DCDC2C: variants seen among roughly 807,000 people sequenced by gnomAD.
DCDC2C encodes the protein doublecortin domain containing 2C, also known as doublecortin domain-containing protein 2C.
DCDC2C carries 44 observed loss-of-function variants against 45.0 expected under a neutral mutation model. The ratio of observed to expected loss-of-function variants is 0.98; its 90% CI spans 0.77 to 1.26. The LOEUF (loss-of-function observed/expected upper bound fraction) is 1.26. Among genes scored for constraint, DCDC2C ranks in the 50% most tolerant of loss-of-function variants. The pLI is 0.00. For missense variants in DCDC2C, 447 were observed against 468.9 expected (o/e 0.95, Z 0.43); for synonymous variants, 187 against 178.8 (o/e 1.05, Z -0.37).
At position 3,797,049 on chromosome 2, in the gene DCDC2C, C is replaced by T. The variant is rs572301405; in HGVS notation, c.1065+11949C>T. On this transcript the variant is annotated intron_variant, in intron 10 of 10. Coordinates refer to ENST00000399143, the MANE Select transcript of DCDC2C (RefSeq NM_001287444.2). Reference sequence around the variant, plus strand: ...TTGATTATTGCCACAATTTCAGCTTCTGTTATTGGTCTATTCAGAGATTCA... The same window carrying T: ...TTGATTATTGCCACAATTTCAGCTTTTGTTATTGGTCTATTCAGAGATTCA... 2.3e-3 allele frequency among the ~76,000 whole-genome samples: 346 copies of T among 152,270 alleles called. 2 individuals are homozygous for T. Among genetic ancestry groups the T allele is most frequent in the Middle Eastern group, 6.8e-3 (2 of 294 alleles).
chr2:3,818,414 T>G lies in DCDC2C; in HGVS notation c.1066-28740T>G, dbSNP rs1671606405. On this transcript the variant is annotated intron_variant, in intron 10 of 10. Coordinates refer to ENST00000399143, the MANE Select transcript of DCDC2C (RefSeq NM_001287444.2). This position sits in a 1 kb window ranked among gnomAD's most constrained non-coding sequence, Gnocchi z 4.7. ...AGAATAATGGGTTATGGAGGGGTTG[T>G]GGAGGGAGGTATTGAGGATAGGAGA... Among the ~76,000 whole-genome samples, 2 of 152,006 alleles carry G rather than the reference T, an allele frequency of 1.3e-5. No individual in the cohort carries two copies. Among genetic ancestry groups the G allele is most frequent in the Admixed American group, 1.3e-4 (2 of 15,254 alleles).
At chr2:3,811,992 T>C (rs764641080) in intron 10 of DCDC2C, among the ~76,000 whole-genome samples, 3 of 152,192 alleles carry the variant, frequency 2.0e-5, no homozygotes. Flanking sequence ...CAGTATTTTA[T>C]TGAGGATTTT....
intron 2 of DCDC2C, among the ~76,000 whole-genome samples, chr2:3,710,257 G>A (rs73140857): frequency 0.019 from 2,936 of 152,206 alleles, 102 homozygotes; most frequent in African/African-American, 0.066. Flanking sequence ...TTGTTCCACA[G>A]GTAAACATGT....
At chr2:3,802,871 T>C (rs1247820697) in intron 10 of DCDC2C, among the ~76,000 whole-genome samples, 1 of 152,182 alleles carries the variant, frequency 6.6e-6, no homozygotes, top group Non-Finnish European at 1.5e-5. Flanking sequence ...TCCTGCCTTG[T>C]TAGTGTCATG....
At chr2:3,748,803 G>A (rs992955655) in intron 4 of DCDC2C, among the ~76,000 whole-genome samples, 5 of 152,100 alleles carry the variant, frequency 3.3e-5, no homozygotes, top group African/African-American at 9.7e-5. Context: ...CTCTCCTCTA[G>A]TATATTTTAA....
At chr2:3,843,187 G>A (rs1672255552) in intron 10 of DCDC2C, among the ~76,000 whole-genome samples, 1 of 152,144 alleles carries the variant, frequency 6.6e-6, no homozygotes. Context: ...GTGGAGTCCT[G>A]GACCCAGGCA....
intron 10 of DCDC2C, among the ~76,000 whole-genome samples, chr2:3,825,786 A>G (rs143626273): frequency 0.011 from 1,707 of 152,254 alleles, 41 homozygotes; most frequent in African/African-American, 0.038. Context: ...TCACTGCTGT[A>G]GCCAGGAGAG....
chr2:3,793,515 T>TCTGTGG (rs1435532474), intron 10 of DCDC2C, among the ~76,000 whole-genome samples: 7 of 152,242 alleles, frequency 4.6e-5, no homozygotes, highest in Non-Finnish European at 8.8e-5. Context: ...ATGGACTGAG[T>TCTGTGG]CTGTGGGATC....
At chr2:3,819,869 G>A (rs1462721862) in intron 10 of DCDC2C, among the ~76,000 whole-genome samples, 1 of 152,210 alleles carries the variant, frequency 6.6e-6, no homozygotes, top group Non-Finnish European at 1.5e-5. Flanking sequence ...CTGTAAGCCA[G>A]ACTGGGTGTG....
chr2:3,812,008 C>T (rs1012687630), intron 10 of DCDC2C, among the ~76,000 whole-genome samples: 18 of 151,850 alleles, frequency 1.2e-4, no homozygotes, highest in Admixed American at 9.2e-4. Flanking sequence ...ATTTTCGCAT[C>T]GATGTTAATC....
chr2:3,836,333 G>A (rs766587524), intron 10 of DCDC2C, among the ~76,000 whole-genome samples: 26 of 152,070 alleles, frequency 1.7e-4, no homozygotes, highest in Non-Finnish European at 3.8e-4. Flanking sequence ...TGAAAAATAA[G>A]GGAAGACTGA....
chr2:3,712,517 A>G (rs1305788570), intron 2 of DCDC2C, among the ~76,000 whole-genome samples: 2 of 151,484 alleles, frequency 1.3e-5, no homozygotes, highest in Non-Finnish European at 2.9e-5. Context: ...TTATCCAGGC[A>G]TGGTGGCACG....
At chr2:3,837,158 A>C (rs1480464099) in intron 10 of DCDC2C, among the ~76,000 whole-genome samples, 1 of 152,160 alleles carries the variant, frequency 6.6e-6, no homozygotes, top group Non-Finnish European at 1.5e-5. Flanking sequence ...CAGTAGGAAC[A>C]CAAGTACACT....
chr2:3,791,787 TCTC>T (rs1285666816), intron 10 of DCDC2C, among the ~76,000 whole-genome samples: 2 of 152,168 alleles, frequency 1.3e-5, no homozygotes, highest in African/African-American at 2.4e-5. Flanking sequence ...CAGAATGTCT[TCTC>T]CTCTAAGCCA....
chr2:3,724,977 G>A (rs1188614014), intron 2 of DCDC2C, among the ~76,000 whole-genome samples: 1 of 152,162 alleles, frequency 6.6e-6, no homozygotes, highest in Admixed American at 6.5e-5. Context: ...GCTAAGTTGG[G>A]TCTGGGTTGG....
intron 3 of DCDC2C, among the ~76,000 whole-genome samples, chr2:3,738,540 GAAAAAAAAAAAA>G (rs60799536): frequency 5.6e-5 from 4 of 71,978 alleles, no homozygotes; most frequent in Non-Finnish European, 7.8e-5. Context: ...GTCTATCTGG[GAAAAAAAAAAAA>G]AAAAAAAAAA....
chr2:3,704,709 A>AT (rs1553368774), intron 1 of DCDC2C, among the ~76,000 whole-genome samples: 2 of 22,574 alleles, frequency 8.9e-5, no homozygotes, highest in African/African-American at 4.5e-4. Context: ...GGGGAGGGGG[A>AT]GGGGGGAGGG....
chr2:3,725,787 G>A (rs4849922), intron 2 of DCDC2C, among the ~76,000 whole-genome samples: 129 of 3,788 alleles, frequency 0.034, no homozygotes, highest in Non-Finnish European at 0.053. Flanking sequence ...GGTGGATCCC[G>A]GAGGGAGATG....
At chr2:3,750,434 G>A (rs1000366595) in intron 4 of DCDC2C, among the ~76,000 whole-genome samples, 4 of 152,202 alleles carry the variant, frequency 2.6e-5, no homozygotes, top group Admixed American at 1.3e-4. Context: ...TTTTCTTGGC[G>A]TGGGTGTCTG....
Sources: allele counts gnomAD v4.1 joint callset (sites outside exome capture counted in the v4.1 genomes callset), GRCh38; gene constraint gnomAD v4.1.1; non-coding constraint Gnocchi (gnomAD v3.1); transcripts MANE v1.5; gene names NCBI Gene and HGNC (gene_info 2026-07-23, HGNC 2026-07-21).